ROR2: variants seen among roughly 807,000 people sequenced by gnomAD.
The protein encoded by ROR2 is ROR family WNT receptor 2.
ROR2 carries 33 observed loss-of-function variants against 74.9 expected under a neutral mutation model. The ratio of observed to expected loss-of-function variants is 0.44; its 90% CI spans 0.33 to 0.59. The LOEUF is 0.59. ROR2 is among the 20% of genes least tolerant of loss of function. The probability of loss-of-function intolerance (pLI) is 0.02; values close to 1 mark genes in which losing one functional copy is unlikely to be tolerated. For synonymous variants in ROR2, 586 were observed against 558.7 expected (o/e 1.05, Z -0.69); for missense variants, 1,216 against 1,313.8 (o/e 0.93, Z 1.15).
At chr9:91,883,664 T>C (rs776938884) in intron 1 of ROR2, among the ~76,000 whole-genome samples, 13 of 152,184 alleles carry the variant, frequency 8.5e-5, no homozygotes, top group Non-Finnish European at 1.6e-4. Flanking sequence ...CAGAATTTGA[T>C]GGACAAGAGG....
chr9:91,904,412 G>A (rs1394118729), intron 1 of ROR2, among the ~76,000 whole-genome samples: 4 of 152,210 alleles, frequency 2.6e-5, no homozygotes, highest in South Asian at 2.1e-4. Context: ...CCAGTCAGGC[G>A]GGCTCAGTCC....
chr9:91,765,678 A>G (rs1826037597), intron 2 of ROR2, among the ~76,000 whole-genome samples: 1 of 152,176 alleles, frequency 6.6e-6, no homozygotes, highest in African/African-American at 2.4e-5. Context: ...CCCTGTGGCA[A>G]TGTGCTCATC....
Position 91,909,851 on chromosome 9 carries a change from T to TTTG in ROR2, c.97+40015_97+40016insCAA, listed in dbSNP as rs1291382193. On this transcript the variant is annotated intron_variant, in intron 1 of 8. Coordinates refer to ENST00000375708, the MANE Select transcript of ROR2 (RefSeq NM_004560.4). Reference sequence around the variant, plus strand: ...TTTTTTTTTTAGGTTTGTTTTGTTTTTTTTTTTTTTTTTTTTTTTTAGTTT... The same window carrying TTTG: ...TTTTTTTTTTAGGTTTGTTTTGTTTTTTGTTTTTTTTTTTTTTTTTTTTAGTTT... Among the ~76,000 whole-genome samples, 40 of 108,588 alleles carry TTTG rather than the reference T, an allele frequency of 3.7e-4. 1 individual carries two copies. The highest frequency in any genetic ancestry group is 4.2e-3 in the Middle Eastern group (1 of 238). The allele number at this position is 108,588 out of a possible 152,430, so 71.2% of individuals were successfully genotyped here.
intron 2 of ROR2, among the ~76,000 whole-genome samples, chr9:91,773,873 C>T (rs1339868520): frequency 6.6e-6 from 1 of 152,224 alleles, no homozygotes; most frequent in Non-Finnish European, 1.5e-5. Flanking sequence ...ATGTGTTCCT[C>T]TTCTACCCTC....
chr9:91,932,625 T>C (rs566582291), intron 1 of ROR2, among the ~76,000 whole-genome samples: 4 of 151,126 alleles, frequency 2.6e-5, no homozygotes, highest in South Asian at 4.2e-4. Context: ...GATTGCGCCA[T>C]TGCACTCCAG....
intron 4 of ROR2, among the ~76,000 whole-genome samples, chr9:91,748,167 C>T (rs191588262): frequency 1.3e-5 from 2 of 151,932 alleles, no homozygotes; most frequent in East Asian, 3.9e-4. Flanking sequence ...CCCAGCTCCT[C>T]GGGAGACTGA....
At chr9:91,729,089 TAA>T (rs5899140) in intron 7 of ROR2, among the ~76,000 whole-genome samples, 361 of 144,634 alleles carry the variant, frequency 2.5e-3, no homozygotes, top group Middle Eastern at 3.6e-3. Context: ...CTACTCACTG[TAA>T]AAAAAAAAAA....
chr9:91,746,098 A>C (rs1825402127), intron 4 of ROR2, among the ~76,000 whole-genome samples: 1 of 151,982 alleles, frequency 6.6e-6, no homozygotes, highest in African/African-American at 2.4e-5. Flanking sequence ...TTTTTAAAAC[A>C]TGGAGTCTCG....
At chr9:91,799,841 G>A (rs934009966) in intron 1 of ROR2, among the ~76,000 whole-genome samples, 1 of 152,192 alleles carries the variant, frequency 6.6e-6, no homozygotes. Context: ...CCCCTCAGCA[G>A]GGGCCATGGC....
intron 1 of ROR2, among the ~76,000 whole-genome samples, chr9:91,820,325 A>G (rs1330628281): frequency 6.6e-6 from 1 of 152,168 alleles, no homozygotes; most frequent in Non-Finnish European, 1.5e-5. Context: ...GCCCTCTACA[A>G]GTCAGCCGGG....
intron 1 of ROR2, among the ~76,000 whole-genome samples, chr9:91,888,433 TC>T (rs1439904333): frequency 2.0e-5 from 3 of 152,166 alleles, no homozygotes; most frequent in Admixed American, 6.5e-5. Flanking sequence ...AACCTCCTCT[TC>T]CACTGGACGC....
intron 1 of ROR2, among the ~76,000 whole-genome samples, chr9:91,826,746 T>G (rs1828303033): frequency 6.8e-6 from 1 of 147,848 alleles, no homozygotes; most frequent in Non-Finnish European, 1.5e-5. Flanking sequence ...ATCGCGCCAC[T>G]GCACTCCAGC....
chr9:91,786,482 T>A (rs1283733907), intron 1 of ROR2, among the ~76,000 whole-genome samples: 1 of 152,150 alleles, frequency 6.6e-6, no homozygotes, highest in Non-Finnish European at 1.5e-5. Flanking sequence ...GTGAAAATTG[T>A]CTGTTCAAGG....
At chr9:91,918,544 G>C (rs1418734711) in intron 1 of ROR2, among the ~76,000 whole-genome samples, 1 of 152,202 alleles carries the variant, frequency 6.6e-6, no homozygotes, top group Admixed American at 6.5e-5. Flanking sequence ...CATTTTTGTA[G>C]GTTGAAACGG....
intron 1 of ROR2, among the ~76,000 whole-genome samples, chr9:91,940,454 C>T (rs1257207326): frequency 6.6e-6 from 1 of 152,136 alleles, no homozygotes; most frequent in Non-Finnish European, 1.5e-5. Context: ...AATCAGAAAA[C>T]TTGGGGCAAT....
At chr9:91,949,754 C>A (rs1832120095) in intron 1 of ROR2, 113 bp downstream of exon 1, 1 of 733,936 alleles carries the variant, frequency 1.4e-6, no homozygotes, top group Non-Finnish European at 2.4e-6. Context: ...TGGCGCCCCT[C>A]GTTCAGGAGC....
chr9:91,748,276 CAA>C (rs528004025), intron 4 of ROR2, among the ~76,000 whole-genome samples: 4 of 134,872 alleles, frequency 3.0e-5, no homozygotes, highest in Non-Finnish European at 1.6e-5. Flanking sequence ...GACGCTGTCT[CAA>C]AAAAAAAAAA....
intron 1 of ROR2, among the ~76,000 whole-genome samples, chr9:91,879,536 A>G (rs1830048160): frequency 1.3e-5 from 2 of 151,982 alleles, no homozygotes; most frequent in Non-Finnish European, 2.9e-5. Context: ...CATGTCCCCC[A>G]CTGCAGAGGC....
At chr9:91,833,559 A>G (rs1226030686) in intron 1 of ROR2, among the ~76,000 whole-genome samples, 2 of 151,984 alleles carry the variant, frequency 1.3e-5, no homozygotes, top group Admixed American at 1.3e-4. Flanking sequence ...AGGCCCCTGG[A>G]GTAGCTGAGC....
Sources: gnomAD v4.1 joint callset for allele counts (sites outside exome capture counted in the v4.1 genomes callset) on GRCh38, gnomAD v4.1.1 for gene constraint, MANE v1.5 for transcripts, NCBI Gene and HGNC (gene_info 2026-07-23, HGNC 2026-07-21) for gene names.